Variants in IGFL2 observed in about 807,000 individuals in gnomAD.
IGFL2 encodes IGF like family member 2.
IGFL2 carries 7 observed loss-of-function variants against 13.9 expected under a neutral mutation model. The ratio of observed to expected loss-of-function variants is 0.51; its 90% CI spans 0.29 to 0.95. The LOEUF is 0.95. Among genes scored for constraint, IGFL2 ranks in the 40% least tolerant of loss-of-function variants. IGFL2 has a pLI of 0.08. For missense variants in IGFL2, 138 were observed against 147.8 expected, an observed-to-expected ratio of 0.93 and a Z score of 0.34; for synonymous variants, 55 against 55.8, an observed-to-expected ratio of 0.99 and a Z score of 0.07.
the IGFL2 span, among the ~76,000 whole-genome samples, chr19:46,199,106 G>C: frequency 6.6e-6 from 1 of 152,210 alleles, no homozygotes; most frequent in African/African-American, 2.4e-5. Flanking sequence ...TCCCAGAGGG[G>C]CTGGGCCAGC....
At chr19:46,085,763 C>T in the IGFL2 span, among the ~76,000 whole-genome samples, 2 of 152,072 alleles carry the variant, frequency 1.3e-5, no homozygotes, top group South Asian at 2.1e-4. Flanking sequence ...CTGGTAATGG[C>T]GTTTTGTTTC....
chr19:46,172,326 C>T, the IGFL2 span, among the ~76,000 whole-genome samples: 3 of 152,156 alleles, frequency 2.0e-5, no homozygotes, highest in Admixed American at 6.5e-5. Context: ...AGAACTCCCA[C>T]GTCCCATTGT....
At chr19:46,175,260 C>G in the IGFL2 span, among the ~76,000 whole-genome samples, 8 of 152,060 alleles carry the variant, frequency 5.3e-5, no homozygotes, top group African/African-American at 1.4e-4. Flanking sequence ...ATACTAATTC[C>G]TATTTCAAAC....
chr19:46,209,322 A>C, the IGFL2 span: 1 of 152,208 alleles, frequency 6.6e-6, no homozygotes, highest in Non-Finnish European at 1.5e-5. Context: ...TCTCCCTTCC[A>C]GGGCTTCCGC....
chr19:46,123,748 T>C, the IGFL2 span: 3 of 934,312 alleles, frequency 3.2e-6, no homozygotes, highest in Non-Finnish European at 4.8e-6. Context: ...ATCTGCTTCT[T>C]CTTTTTGCTT....
chr19:46,183,570 C>G, the IGFL2 span, among the ~76,000 whole-genome samples: 3 of 148,764 alleles, frequency 2.0e-5, no homozygotes, highest in East Asian at 2.0e-4. Flanking sequence ...GAGTCTCACT[C>G]TGTCACCCAG....
chr19:46,134,040 G>A, the IGFL2 span, among the ~76,000 whole-genome samples: 39 of 152,276 alleles, frequency 2.6e-4, 1 homozygote, highest in African/African-American at 8.7e-4. Context: ...GGGTATGCAG[G>A]CTGGGCTGGG....
the IGFL2 span, among the ~76,000 whole-genome samples, chr19:46,180,937 GC>G: frequency 6.6e-6 from 1 of 152,276 alleles, no homozygotes; most frequent in Non-Finnish European, 1.5e-5. Flanking sequence ...ATTGGATGGT[GC>G]CCCCCCAGAT....
the IGFL2 span, chr19:46,137,458 A>G: frequency 9.3e-7 from 1 of 1,073,398 alleles, no homozygotes; most frequent in South Asian, 1.2e-5. Flanking sequence ...GCCAATCTTG[A>G]AGAATCTGCA....
chr19:46,181,184 T>G, the IGFL2 span: 1 of 144,764 alleles, frequency 6.9e-6, no homozygotes, highest in Admixed American at 7.0e-5. Flanking sequence ...GGTTGTGTGT[T>G]GTGTGTTTTC....
the IGFL2 span, among the ~76,000 whole-genome samples, chr19:46,088,847 G>C: frequency 0.018 from 2,773 of 152,156 alleles, 91 homozygotes; most frequent in African/African-American, 0.062. Context: ...GGTTTGAGAA[G>C]ATTGAAAAAC....
At chr19:46,114,892 A>G in the IGFL2 span, among the ~76,000 whole-genome samples, 2 of 152,212 alleles carry the variant, frequency 1.3e-5, no homozygotes, top group African/African-American at 2.4e-5. Flanking sequence ...GACTCCCCAC[A>G]GGTTTACAGA....
the IGFL2 span, among the ~76,000 whole-genome samples, chr19:46,190,739 C>T: frequency 6.6e-6 from 1 of 152,228 alleles, no homozygotes. Flanking sequence ...ATCATTCCTT[C>T]CCCCATGGGG....
the IGFL2 span, among the ~76,000 whole-genome samples, chr19:46,178,702 T>G: frequency 3.3e-4 from 50 of 152,378 alleles, no homozygotes; most frequent in African/African-American, 1.1e-3. Flanking sequence ...TCTTTAGAGA[T>G]AGCTTAGCTC....
chr19:46,086,321 T>A, the IGFL2 span, among the ~76,000 whole-genome samples: 35 of 152,204 alleles, frequency 2.3e-4, no homozygotes, highest in African/African-American at 8.2e-4. Context: ...TTTCATAAAT[T>A]CCTTTTTTTT....
the IGFL2 span, among the ~76,000 whole-genome samples, chr19:46,096,622 G>C: frequency 6.6e-6 from 1 of 152,070 alleles, no homozygotes; most frequent in African/African-American, 2.4e-5. Flanking sequence ...AATACTTCCA[G>C]GTTTGCCAAT....
At chr19:46,116,988 A>G in the IGFL2 span, among the ~76,000 whole-genome samples, 2 of 151,854 alleles carry the variant, frequency 1.3e-5, no homozygotes, top group Non-Finnish European at 2.9e-5. Flanking sequence ...AACTAGTAAA[A>G]ATTTTATATA....
chr19:46,188,174 A>G, the IGFL2 span, among the ~76,000 whole-genome samples: 1 of 152,096 alleles, frequency 6.6e-6, no homozygotes, highest in Non-Finnish European at 1.5e-5. Context: ...CCCTCCCCCA[A>G]TACCTATTTC....
upstream of IGFL2, among the ~76,000 whole-genome samples, chr19:46,145,630 G>A (rs1568421095): frequency 4.2e-5 from 6 of 143,348 alleles, no homozygotes; most frequent in Non-Finnish European, 9.3e-5. Context: ...GTGTGTGTGT[G>A]TGTGTATTTA....
Sources: allele counts gnomAD v4.1 joint callset (sites outside exome capture counted in the v4.1 genomes callset), GRCh38; gene constraint gnomAD v4.1.1; transcripts MANE v1.5; gene names NCBI Gene and HGNC (gene_info 2026-07-23, HGNC 2026-07-21).